KPRP: variants seen among roughly 807,000 people sequenced by gnomAD.
The protein encoded by KPRP is keratinocyte proline-rich protein.
For missense variants in KPRP, 820 were observed against 746.4 expected, an observed-to-expected ratio of 1.10 and a Z score of -1.15; for synonymous variants, 282 against 276.9, an observed-to-expected ratio of 1.02 and a Z score of -0.18.
At chr1:152,759,999 A>G in exon 1 of KPRP, 1 of 1,614,204 alleles carries the variant, frequency 6.2e-7, no homozygotes, top group Middle Eastern at 1.6e-4. Context: ...AATGTGCTCC[A>G]GTTTGTTATA....
At chr1:152,759,984 C>T (rs146826460) in exon 1 of KPRP, 24 of 1,614,216 alleles carry the variant, frequency 1.5e-5, no homozygotes, top group Admixed American at 3.3e-5. Flanking sequence ...AGACTTGCTT[C>T]GTAGAATGTG....
upstream of KPRP, chr1:152,759,525 C>A: frequency 6.4e-7 from 1 of 1,554,294 alleles, no homozygotes; most frequent in Non-Finnish European, 8.7e-7. Flanking sequence ...CCCTCTCCAA[C>A]TCTCACCCTC....
At chr1:152,760,652 A>G in exon 1 of KPRP, 1 of 1,611,650 alleles carries the variant, frequency 6.2e-7, no homozygotes, top group Non-Finnish European at 8.5e-7. Context: ...CGCCGCTCCC[A>G]GAGCTGTGGC....
chr1:152,761,071 T>A (rs760332975), exon 1 of KPRP: 1 of 1,613,986 alleles, frequency 6.2e-7, no homozygotes, highest in South Asian at 1.1e-5. Context: ...CAGGGAGACT[T>A]GGCGCAGCCC....
chr1:152,760,045 T>C, exon 1 of KPRP: 2 of 1,614,168 alleles, frequency 1.2e-6, no homozygotes, highest in Non-Finnish European at 1.7e-6. Context: ...AGTCCAGAAC[T>C]ATGTACCCTG....
At position 152,760,540 on chromosome 1, in the gene KPRP, T is replaced by C. The variant is rs769530143; in HGVS notation, c.952T>C (p.Ser318Pro). 39 of 1,611,154 alleles carry C rather than the reference T, an allele frequency of 2.4e-5. No individual in the cohort carries two copies. In the South Asian group the frequency reaches 3.5e-4, roughly 15 times the overall value. Residue 318 changes from serine (S) to proline (P), a missense_variant, in exon 1 of 1, where the codon TCT (serine) becomes CCT (proline). By Grantham distance (74) the Ser-to-Pro change is moderately conservative. Coordinates refer to ENST00000606109, the Ensembl canonical transcript of KPRP. The stretch of plus-strand genomic sequence containing the variant: ...TCCTCGCCGCCCCATTTCAAGCTGC[T>C]CTCAGAGACGTGGCCCCAAGTGCCG...
upstream of KPRP, among the ~76,000 whole-genome samples, chr1:152,758,300 C>T (rs1269607792): frequency 6.6e-6 from 1 of 152,146 alleles, no homozygotes; most frequent in African/African-American, 2.4e-5. Context: ...TGACCTTATC[C>T]TCAGGTACTA....
At chr1:152,760,801 C>T (rs1461205898) in exon 1 of KPRP, 14 of 1,614,016 alleles carry the variant, frequency 8.7e-6, no homozygotes, top group Non-Finnish European at 1.2e-5. Context: ...TCCTGCTCCA[C>T]GTCCACGTCT....
At chr1:152,760,307 A>G in exon 1 of KPRP, 4 of 1,613,980 alleles carry the variant, frequency 2.5e-6, no homozygotes, top group Non-Finnish European at 3.4e-6. Flanking sequence ...CAGGGCTCCT[A>G]TGGGAGCTTC....
chr1:152,761,468 T>A (rs990254726), exon 1 of KPRP: 1 of 1,427,498 alleles, frequency 7.0e-7, no homozygotes, highest in African/African-American at 1.4e-5. Context: ...TCCAAACTCC[T>A]TTGCCTATCA....
upstream of KPRP, among the ~76,000 whole-genome samples, chr1:152,759,096 T>C (rs1423776192): frequency 6.6e-6 from 1 of 152,208 alleles, no homozygotes; most frequent in Non-Finnish European, 1.5e-5. Context: ...TGGTGCTGAG[T>C]GCTTATTCTC....
At position 152,760,331 on chromosome 1, in the gene KPRP, G is replaced by A. The variant is rs193921023; in HGVS notation, c.743G>A (p.Arg248His). 47 of 1,613,946 alleles carry A rather than the reference G, an allele frequency of 2.9e-5. No individual in the cohort carries two copies. Among genetic ancestry groups the A allele is most frequent in the Non-Finnish European group, 3.6e-5 (43 of 1,180,014 alleles). ...TATGGGAGCTTCACTGAACAGCACC[G>A]CTCTCGGAGCACCAGCAGATGCCTT... Residue 248 changes from arginine (R) to histidine (H), a missense_variant, in exon 1 of 1, where the codon CGC becomes CAC. Coordinates refer to ENST00000606109, the Ensembl canonical transcript of KPRP.
chr1:152,758,505 T>C (rs1264174642), upstream of KPRP, among the ~76,000 whole-genome samples: 7 of 152,204 alleles, frequency 4.6e-5, no homozygotes, highest in African/African-American at 1.7e-4. Context: ...ATGAGCCTGT[T>C]GTCAAATGAT....
chr1:152,759,171 C>G (rs866614341), upstream of KPRP, among the ~76,000 whole-genome samples: 2 of 152,210 alleles, frequency 1.3e-5, no homozygotes, highest in Non-Finnish European at 2.9e-5. Context: ...TGAGTAAATC[C>G]AAGCTCCTGT....
exon 1 of KPRP, chr1:152,760,146 C>A: frequency 6.2e-7 from 1 of 1,614,156 alleles, no homozygotes; most frequent in Admixed American, 1.7e-5. Context: ...AGTATCAAGG[C>A]TCCTATAGCA....
rs1651107958 is a variant in KPRP at position 152,761,027 on chromosome 1, C to A, written c.1439C>A (p.Pro480His). 3 of 1,613,122 alleles carry A rather than the reference C, an allele frequency of 1.9e-6. No homozygotes were observed. The South Asian group carries it at 3.3e-5, about 18-fold the overall frequency. Residue 480 changes from proline to histidine, a missense_variant, in exon 1 of 1, where the codon CCC (proline) becomes CAC (histidine). Physicochemically the swap from Pro to His is moderately conservative, Grantham distance 77. Transcript: ENST00000606109. Reference sequence around the variant, plus strand: ...CCTTGTCCACGACCAGAGCCAATTCCCCTGCCGGCGCCCTGCCCAAGCCCG... The same window carrying A: ...CCTTGTCCACGACCAGAGCCAATTCACCTGCCGGCGCCCTGCCCAAGCCCG...
Position 152,759,986 on chromosome 1 carries a change from T to C in KPRP, c.398T>C (p.Val133Ala), listed in dbSNP as rs763290171. Residue 133 changes from valine (V) to alanine (A), a missense_variant, in exon 1 of 1, where the codon GTA (valine) becomes GCA (alanine). Val to Ala is a moderately conservative substitution (Grantham distance 64, BLOSUM62 0). Transcript: ENST00000606109. ...TCACAACCTGTTCAGACTTGCTTCG[T>C]AGAATGTGCTCCAGTTTGTTATACA... 1.2e-5 allele frequency: 19 copies of C among 1,614,180 alleles called. No individual in the cohort carries two copies. In the East Asian group the frequency reaches 4.2e-4, roughly 36 times the overall value.
At chr1:152,759,545 G>T, upstream of KPRP, 3 of 1,585,202 alleles carry the variant, frequency 1.9e-6, no homozygotes, top group Non-Finnish European at 2.6e-6. Context: ...CCTGACCCTG[G>T]TCTCTTTGCC....
exon 1 of KPRP, chr1:152,760,523 G>A (rs1313800276): frequency 1.7e-5 from 27 of 1,611,932 alleles, no homozygotes; most frequent in Non-Finnish European, 2.3e-5. Flanking sequence ...TGTCCTCGCC[G>A]CCCCATTTCA....
Sources: gnomAD v4.1 joint callset for allele counts (sites outside exome capture counted in the v4.1 genomes callset) on GRCh38, gnomAD v4.1.1 for gene constraint, MANE v1.5 for transcripts, NCBI Gene and HGNC (gene_info 2026-07-23, HGNC 2026-07-21) for gene names.